GRIA1: variants seen among roughly 807,000 people sequenced by gnomAD.
GRIA1 encodes the protein glutamate ionotropic receptor AMPA type subunit 1.
GRIA1 carries 31 observed loss-of-function variants against 99.2 expected under a neutral mutation model. That is an observed-to-expected ratio of 0.31 (90% CI 0.23 to 0.42). The LOEUF is 0.42. Among genes scored for constraint, GRIA1 ranks in the 10% least tolerant of loss-of-function variants. The pLI is 1.00. For synonymous variants in GRIA1, 438 were observed against 432.4 expected (o/e 1.01, Z -0.16); for missense variants, 782 against 1,157.5 (o/e 0.68, Z 4.71).
intron 2 of GRIA1, among the ~76,000 whole-genome samples, chr5:153,606,346 GC>G (rs971357978): frequency 9.2e-5 from 14 of 152,174 alleles, no homozygotes; most frequent in African/African-American, 3.1e-4. Flanking sequence ...GGAACAGGAA[GC>G]TTTTCCCCTT....
chr5:153,651,420 A>C (rs2963946), intron 4 of GRIA1, among the ~76,000 whole-genome samples: 61,691 of 152,096 alleles, frequency 0.41, 13,201 homozygotes, highest in Non-Finnish European at 0.45. Flanking sequence ...AAACAAAAGC[A>C]CATGCCCACC....
intron 2 of GRIA1, among the ~76,000 whole-genome samples, chr5:153,502,634 T>C (rs1299604258): frequency 6.6e-6 from 1 of 152,160 alleles, no homozygotes; most frequent in Non-Finnish European, 1.5e-5. Context: ...ACGACTTTGG[T>C]GTGTCCCAGC....
chr5:153,802,216 C>A, intron 14 of GRIA1, 140 bp from the exon 15 acceptor site: 1 of 663,026 alleles, frequency 1.5e-6, no homozygotes, highest in Non-Finnish European at 2.6e-6. Context: ...GAATAAATAG[C>A]CTATCCAGCT....
chr5:153,527,310 T>C (rs1259833582), intron 2 of GRIA1, among the ~76,000 whole-genome samples: 3 of 152,180 alleles, frequency 2.0e-5, no homozygotes, highest in Admixed American at 6.6e-5. Context: ...GTATTTTTGG[T>C]TGTACACAGG....
intron 7 of GRIA1, among the ~76,000 whole-genome samples, chr5:153,678,831 G>A (rs146004539): frequency 7.2e-5 from 11 of 152,300 alleles, no homozygotes; most frequent in African/African-American, 1.7e-4. Flanking sequence ...TGGACTCCAC[G>A]TCCAGCTGGG....
intron 2 of GRIA1, among the ~76,000 whole-genome samples, chr5:153,508,367 T>C (rs540745468): frequency 2.6e-5 from 4 of 152,296 alleles, no homozygotes; most frequent in African/African-American, 4.8e-5. Flanking sequence ...TAATTTTTAT[T>C]AATTGTAATT....
chr5:153,656,414 T>TATATATA (rs1754968532), intron 5 of GRIA1, among the ~76,000 whole-genome samples: 6 of 146,930 alleles, frequency 4.1e-5, no homozygotes, highest in South Asian at 2.2e-4. Context: ...TATATATATA[T>TATATATA]TTGTTTTAAT....
chr5:153,500,536 A>C (rs184712076), intron 2 of GRIA1, among the ~76,000 whole-genome samples: 14 of 151,846 alleles, frequency 9.2e-5, no homozygotes, highest in Admixed American at 2.0e-4. Flanking sequence ...AGGTTCTTAT[A>C]AAGGAAATAG....
chr5:153,715,822 T>C (rs972327745), intron 11 of GRIA1, among the ~76,000 whole-genome samples: 1 of 152,218 alleles, frequency 6.6e-6, no homozygotes, highest in Non-Finnish European at 1.5e-5. Flanking sequence ...ACTCAACATA[T>C]GTTTGTTGAA....
At chr5:153,505,152 T>G (rs2113269610) in intron 2 of GRIA1, among the ~76,000 whole-genome samples, 1 of 152,268 alleles carries the variant, frequency 6.6e-6, no homozygotes, top group Middle Eastern at 3.4e-3. Context: ...TTTACATAGG[T>G]CATGGATTTA....
chr5:153,491,703 AAC>A (rs756415715), intron 1 of GRIA1, among the ~76,000 whole-genome samples: 30 of 151,824 alleles, frequency 2.0e-4, no homozygotes, highest in Non-Finnish European at 4.1e-4. Context: ...TACACACACA[AAC>A]ACACACACGT....
intron 5 of GRIA1, among the ~76,000 whole-genome samples, chr5:153,670,260 C>T (rs748902523): frequency 2.0e-5 from 3 of 152,080 alleles, no homozygotes; most frequent in Non-Finnish European, 4.4e-5. Context: ...ACCTAATAGC[C>T]CTAGGAACTC....
chr5:153,539,518 C>T lies in GRIA1; in HGVS notation c.220+45453C>T, dbSNP rs866862183. 1.7e-4 allele frequency among the ~76,000 whole-genome samples: 26 copies of T among 152,358 alleles called. 1 individual carries two copies. The Middle Eastern group carries it at 0.031, about 179-fold the overall frequency. ...AAATTCCACTCACCATACCTGGGTT[C>T]TAGTCTTTACTGAGCAATTAAATTG... On this transcript the variant is annotated intron_variant, in intron 2 of 15. Coordinates refer to ENST00000285900, the MANE Select transcript of GRIA1 (RefSeq NM_000827.4).
intron 2 of GRIA1, among the ~76,000 whole-genome samples, chr5:153,537,531 G>A (rs1758694683): frequency 6.6e-6 from 1 of 152,112 alleles, no homozygotes; most frequent in African/African-American, 2.4e-5. Context: ...TGCTGCCTAA[G>A]CATTGTCTGT....
At chr5:153,768,015 C>T (rs1024778985) in intron 12 of GRIA1, among the ~76,000 whole-genome samples, 1 of 152,202 alleles carries the variant, frequency 6.6e-6, no homozygotes, top group African/African-American at 2.4e-5. Context: ...TGCCTGTCAA[C>T]AGCCCAGTTC....
chr5:153,727,111 T>C (rs1760605802), intron 11 of GRIA1, among the ~76,000 whole-genome samples: 1 of 152,120 alleles, frequency 6.6e-6, no homozygotes, highest in African/African-American at 2.4e-5. Context: ...TAATCCAGCA[T>C]ATAAACAGAA....
intron 2 of GRIA1, among the ~76,000 whole-genome samples, chr5:153,522,099 C>T (rs1219436960): frequency 6.6e-6 from 1 of 152,170 alleles, no homozygotes; most frequent in Non-Finnish European, 1.5e-5. Context: ...CCACACATTG[C>T]CTGTGGATAA....
At chr5:153,509,863 G>C (rs756860680) in intron 2 of GRIA1, among the ~76,000 whole-genome samples, 8 of 152,142 alleles carry the variant, frequency 5.3e-5, no homozygotes, top group Non-Finnish European at 8.8e-5. Context: ...TGTTTGTGAT[G>C]ACAAGCTTCT....
chr5:153,588,537 T>C (rs1763695481), intron 2 of GRIA1, among the ~76,000 whole-genome samples: 1 of 152,204 alleles, frequency 6.6e-6, no homozygotes, highest in African/African-American at 2.4e-5. Context: ...AGAAGGAGCT[T>C]TGGAGTCAAA....
Sources: gnomAD v4.1 joint callset for allele counts (sites outside exome capture counted in the v4.1 genomes callset) on GRCh38, gnomAD v4.1.1 for gene constraint, MANE v1.5 for transcripts, NCBI Gene and HGNC (gene_info 2026-07-23, HGNC 2026-07-21) for gene names.